Variants in ZW10 observed in about 807,000 individuals in gnomAD.
The protein encoded by ZW10 is centromere/kinetochore protein zw10 homolog.
ZW10 carries 53 observed loss-of-function variants against 87.8 expected under a neutral mutation model. The observed-to-expected ratio is 0.60, with a 90% CI of 0.48 to 0.76. The LOEUF is 0.76. ZW10 is among the 30% of genes least tolerant of loss of function. The pLI, the probability that ZW10 is intolerant of heterozygous loss-of-function variation, is 0.00. For missense variants in ZW10, 837 were observed against 923.0 expected (o/e 0.91, Z 1.21); for synonymous variants, 312 against 329.2 (o/e 0.95, Z 0.57).
At chr11:113,736,206 T>C (rs1004021323) in intron 15 of ZW10, among the ~76,000 whole-genome samples, 3 of 152,020 alleles carry the variant, frequency 2.0e-5, no homozygotes, top group Non-Finnish European at 2.9e-5. Flanking sequence ...GCCCACGAGT[T>C]TGAGGCTGCA....
At chr11:113,768,192 A>G (rs1953926994) in intron 2 of ZW10, among the ~76,000 whole-genome samples, 1 of 152,226 alleles carries the variant, frequency 6.6e-6, no homozygotes, top group Admixed American at 6.5e-5. Flanking sequence ...ATTATGAACC[A>G]TAAATTTGAA....
intron 2 of ZW10, among the ~76,000 whole-genome samples, chr11:113,762,246 T>A (rs1953868296): frequency 6.6e-6 from 1 of 152,112 alleles, no homozygotes; most frequent in Admixed American, 6.5e-5. Context: ...TATTTGTGTA[T>A]CTAAACACAG....
In ZW10 at chr11:113,748,336, T is replaced by G; in HGVS notation, c.1010A>C (p.Asp337Ala). 17 of 1,613,794 alleles carry G rather than the reference T, an allele frequency of 1.1e-5. No homozygotes were observed. The highest frequency in any genetic ancestry group is 1.1e-5 in the Non-Finnish European group (13 of 1,179,836). ...AEMLGDMIWE[D>A]LSECLIKNCL... ...GTTTTTGATGAGGCACTCAGACAAG[T>G]CCTCCCAGATCATGTCTCCAAGCAT... Residue 337 changes from aspartate to alanine, a missense_variant, in exon 8 of 16, where the codon GAC (aspartate) becomes GCC (alanine). Physicochemically the swap from Asp to Ala is moderately radical, Grantham distance 126. Transcript: ENST00000200135.
intron 7 of ZW10, chr11:113,751,115 C>A: frequency 4.8e-6 from 1 of 209,050 alleles, no homozygotes; most frequent in Non-Finnish European, 1.0e-5. Flanking sequence ...AGGAAGATCA[C>A]TTAGTCCAAC....
chr11:113,761,192 T>A (rs116504528), intron 2 of ZW10, among the ~76,000 whole-genome samples: 1 of 152,194 alleles, frequency 6.6e-6, no homozygotes, highest in Non-Finnish European at 1.5e-5. Flanking sequence ...GTATCTTTCA[T>A]CAGAGAGCTC....
intron 9 of ZW10, 36 bp downstream of exon 9, chr11:113,747,495 C>A (rs1450721744): frequency 1.3e-6 from 2 of 1,546,940 alleles, no homozygotes; most frequent in Non-Finnish European, 1.8e-6. Flanking sequence ...TTCTCATATA[C>A]AATGTTTCAT....
chr11:113,760,948 T>C (rs1953854513), intron 2 of ZW10, 30 bp from the exon 3 acceptor site: 1 of 1,578,598 alleles, frequency 6.3e-7, no homozygotes, highest in Non-Finnish European at 8.7e-7. Context: ...CAAGTACTTT[T>C]AAGCTATACC....
At chr11:113,736,932 G>A in intron 14 of ZW10, 110 bp from the exon 15 acceptor site, 1 of 942,076 alleles carries the variant, frequency 1.1e-6, no homozygotes, top group Non-Finnish European at 1.7e-6. Flanking sequence ...GCTACAACAT[G>A]TTTTCCAACC....
In ZW10 at chr11:113,757,661, C is replaced by A; in HGVS notation, c.925+1G>T. 2 of 1,533,738 alleles carry A rather than the reference C, an allele frequency of 1.3e-6. No individual in the cohort carries two copies. The highest frequency in any genetic ancestry group is 8.8e-7 in the Non-Finnish European group (1 of 1,133,042). ...AAAAGCACTGCCTTGGAGACACATA[C>A]CTAGAAGCTGTTTCTGGAGCACTTC... On this transcript the variant is annotated splice_donor_variant, in intron 7 of 15. Coordinates refer to ENST00000200135, the MANE Select transcript of ZW10 (RefSeq NM_004724.4). LOFTEE classifies it high-confidence loss of function.
At chr11:113,758,233 TA>T (rs1953815595) in intron 6 of ZW10, among the ~76,000 whole-genome samples, 1 of 151,624 alleles carries the variant, frequency 6.6e-6, no homozygotes, top group Non-Finnish European at 1.5e-5. Context: ...TCTTTGAACC[TA>T]ACAACCAAAA....
intron 1 of ZW10, 76 bp from the exon 2 acceptor site, chr11:113,769,043 C>G: frequency 6.8e-7 from 1 of 1,481,250 alleles, no homozygotes; most frequent in Non-Finnish European, 9.3e-7. Flanking sequence ...ATTCATCTTC[C>G]ACAAGGCATT....
At chr11:113,740,794 CTG>C (rs1289548899) in intron 11 of ZW10, among the ~76,000 whole-genome samples, 1 of 152,190 alleles carries the variant, frequency 6.6e-6, no homozygotes, top group African/African-American at 2.4e-5. Flanking sequence ...ATCAAGCAAT[CTG>C]TGTTTTAACA....
chr11:113,766,670 T>A, intron 2 of ZW10, among the ~76,000 whole-genome samples: 2 of 48,364 alleles, frequency 4.1e-5, no homozygotes, highest in Non-Finnish European at 6.9e-5. Flanking sequence ...CGAGACTCCA[T>A]CTCAAAAAAA....
At chr11:113,735,189 G>C (rs1223150817) in intron 15 of ZW10, among the ~76,000 whole-genome samples, 1 of 151,770 alleles carries the variant, frequency 6.6e-6, no homozygotes, top group African/African-American at 2.4e-5. Context: ...CAAATCTCTG[G>C]GGGAAAAAAA....
intron 13 of ZW10, 86 bp downstream of exon 13, chr11:113,738,178 T>C: frequency 7.1e-7 from 1 of 1,418,108 alleles, no homozygotes; most frequent in Non-Finnish European, 9.4e-7. Context: ...ACTTGTTACA[T>C]ATTGTTTTCT....
chr11:113,762,536 T>C (rs1953872768), intron 2 of ZW10, among the ~76,000 whole-genome samples: 1 of 152,116 alleles, frequency 6.6e-6, no homozygotes, highest in African/African-American at 2.4e-5. Context: ...CTTTTTTTTT[T>C]TTTGAGGAGT....
At chr11:113,754,747 A>G (rs1167871997) in intron 7 of ZW10, among the ~76,000 whole-genome samples, 1 of 152,052 alleles carries the variant, frequency 6.6e-6, no homozygotes, top group Non-Finnish European at 1.5e-5. Context: ...ACATGCCACT[A>G]TGCCTGGCTA....
intron 7 of ZW10, among the ~76,000 whole-genome samples, chr11:113,750,859 T>G (rs1370658496): frequency 2.2e-5 from 3 of 138,784 alleles, no homozygotes; most frequent in African/African-American, 3.1e-5. Context: ...AGTGATCTTG[T>G]TTTTTTTTTT....
intron 2 of ZW10, among the ~76,000 whole-genome samples, chr11:113,763,553 G>A (rs1164043357): frequency 2.0e-5 from 3 of 152,018 alleles, no homozygotes; most frequent in Non-Finnish European, 2.9e-5. Flanking sequence ...TTTAATAATC[G>A]CCATTCTGAC....
Sources: gnomAD v4.1 joint callset for allele counts (sites outside exome capture counted in the v4.1 genomes callset) on GRCh38, gnomAD v4.1.1 for gene constraint, MANE v1.5 for transcripts, NCBI Gene and HGNC (gene_info 2026-07-23, HGNC 2026-07-21) for gene names.